Variants in TNXB observed in about 807,000 individuals in gnomAD.
TNXB encodes tenascin-X.
TNXB carries 183 observed loss-of-function variants against 340.5 expected under a neutral mutation model. The observed-to-expected ratio is 0.54, with a 90% confidence interval of 0.48 to 0.61. The LOEUF (loss-of-function observed/expected upper bound fraction) is 0.61, where lower values mean the gene tolerates loss of function less well. Among genes scored for constraint, TNXB ranks in the 20% least tolerant of loss-of-function variants. The pLI, the probability that TNXB is intolerant of heterozygous loss-of-function variation, is 0.00. For synonymous variants in TNXB, 2,121 were observed against 2,314.5 expected, an observed-to-expected ratio of 0.92 and a Z score of 2.40; for missense variants, 4,613 against 5,446.4, an observed-to-expected ratio of 0.85 and a Z score of 4.82.
rs747774925 is a variant in TNXB, at chr6:32,043,905, G to A, written c.11387-13C>T. ...CTCTGAGGCTCCCCTGAAAACATTG[G>A]GGATCGAGGGTTACCCAGGGAACCC... On this transcript the variant is annotated splice_polypyrimidine_tract_variant and intron_variant, in intron 34 of 43. Coordinates refer to ENST00000644971, the MANE Select transcript of TNXB (RefSeq NM_001365276.2). 13 of 1,613,432 alleles carry A rather than the reference G, an allele frequency of 8.1e-6. No individual in the cohort carries two copies. The highest frequency in any genetic ancestry group is 1.0e-5 in the Non-Finnish European group (12 of 1,179,984).
In TNXB at chr6:32,068,111, C is replaced by T. The variant is rs996112326; in HGVS notation, c.6221-127G>A. On this transcript the variant is annotated intron_variant, in intron 17 of 43. Transcript: ENST00000644971. This position sits in a 1 kb window ranked among gnomAD's most constrained non-coding sequence, Gnocchi z 5.3. ...AGGCCTACTCTTGGGGCTGGGTGGT[C>T]CTGCTCAGCTGACAGCTAACACACA... 2.2e-6 allele frequency: 3 copies of T among 1,351,854 alleles called. No individual in the cohort carries two copies. The highest frequency in any genetic ancestry group is 3.0e-6 in the Non-Finnish European group (3 of 1,008,990). The allele number at this position is 1,351,854 out of a possible 1,614,324, so 83.7% of individuals were successfully genotyped here. A position where few individuals can be genotyped will look rare whatever the true frequency, so the allele number is the denominator to read the frequency against.
At position 32,068,038 on chromosome 6, in the gene TNXB, G is replaced by A; in HGVS notation, c.6221-54C>T. The A allele has an allele frequency of 6.3e-7, 1 of 1,580,810 alleles. No individual in the cohort carries two copies. The highest frequency in any genetic ancestry group is 1.2e-5 in the South Asian group (1 of 86,496). ...GATGTCCTTGGGTACTGGGGAAAAG[G>A]AGGGAGAAGCCAAGGCTATGACTGG... On this transcript the variant is annotated intron_variant, in intron 17 of 43. Transcript: ENST00000644971. The surrounding 1 kb of genome is among the most constrained non-coding windows in gnomAD (Gnocchi z 5.3).
chr6:32,049,875 C>T lies in TNXB; in HGVS notation c.9439+123G>A, dbSNP rs1777158200. On this transcript the variant is annotated intron_variant, in intron 27 of 43. Coordinates refer to ENST00000644971, the MANE Select transcript of TNXB (RefSeq NM_001365276.2). The surrounding 1 kb of genome is among the most constrained non-coding windows in gnomAD (Gnocchi z 4.5). ...AGGAAGGCCCAAGGGGAGTCCCAGCCCCAGCCACAAGCAGTTCTGTGGTGC... is the reference window on the plus strand; with the variant it reads ...AGGAAGGCCCAAGGGGAGTCCCAGCTCCAGCCACAAGCAGTTCTGTGGTGC... The T allele has an allele frequency of 1.4e-6, 2 of 1,478,756 alleles. No individual in the cohort carries two copies. Among genetic ancestry groups the T allele is most frequent in the Non-Finnish European group, 1.8e-6 (2 of 1,085,992 alleles). The allele number at this position is 1,478,756 out of a possible 1,614,324, so 91.6% of individuals were successfully genotyped here.
rs745922428 is a variant in TNXB, at chr6:32,086,064, G to A, written c.2834C>T (p.Pro945Leu). The change falls in exon 7 of 44, where the codon CCC becomes CTC. Residue 945 changes from proline (P) to leucine (L), a missense_variant. Around this residue, in one of 7 missense-constraint regions of TNXB, gnomAD observed 4,327 missense variants for 4,859.4 expected, o/e 0.89. Transcript: ENST00000644971. ...GTTDEPPPSGPSTTQGAQAPL... is the reference protein window; with the variant it reads ...GTTDEPPPSGLSTTQGAQAPL... Reference sequence around the variant, plus strand: ...AGCCTGGGCCCCTTGCGTCGTCGAGGGGCCTGAGGGAGGAGGCTCATCGGT... The same window carrying A: ...AGCCTGGGCCCCTTGCGTCGTCGAGAGGCCTGAGGGAGGAGGCTCATCGGT... 7.6e-6 allele frequency: 12 copies of A among 1,587,772 alleles called. No homozygotes were observed. In the South Asian group the frequency reaches 1.4e-4, roughly 18 times the overall value.
chr6:32,055,165 G>A (rs1777551232), intron 24 of TNXB, among the ~76,000 whole-genome samples: 1 of 152,154 alleles, frequency 6.6e-6, no homozygotes. Flanking sequence ...CTAATAAAGA[G>A]CAAAACCTTG....
At position 32,056,033 on chromosome 6, in the gene TNXB, T is replaced by C. The variant is rs376978176; in HGVS notation, c.8285A>G (p.His2762Arg). ...LSLSWTIPQG[H>R]FDSFTVQYKD... Reference sequence around the variant, plus strand: ...GTACTGCACGGTGAAGGAGTCGAAGTGGCCCTGGGGGATGGTCCAGGAGAG... The same window carrying C: ...GTACTGCACGGTGAAGGAGTCGAAGCGGCCCTGGGGGATGGTCCAGGAGAG... Residue 2762 changes from histidine to arginine, a missense_variant, in exon 24 of 44, where the codon CAC becomes CGC. Around this residue, in one of 7 missense-constraint regions of TNXB, gnomAD observed 4,327 missense variants for 4,859.4 expected, o/e 0.89. Transcript: ENST00000644971. The C allele has an allele frequency of 2.1e-4, 344 of 1,613,056 alleles. No homozygotes were observed. The highest frequency in any genetic ancestry group is 1.8e-3 in the African/African-American group (136 of 75,030).
intron 35 of TNXB, 38 bp downstream of exon 35, chr6:32,043,711 G>A: frequency 1.2e-6 from 2 of 1,613,394 alleles, no homozygotes; most frequent in Non-Finnish European, 1.7e-6. Flanking sequence ...CCGTTTTCTT[G>A]GCTCCCACCT....
In TNXB at chr6:32,099,661, G is replaced by C. The variant is rs556876067; in HGVS notation, c.-8-1455C>G. On this transcript the variant is annotated intron_variant, in intron 1 of 43. Transcript: ENST00000644971. ...TTAAAAGCATGAGCCACCATGCTTGGCTTCTCTCTCTTTTTTATTCAACTC... is the reference window on the plus strand; with the variant it reads ...TTAAAAGCATGAGCCACCATGCTTGCCTTCTCTCTCTTTTTTATTCAACTC... 2.1e-3 allele frequency among the ~76,000 whole-genome samples: 320 copies of C among 151,714 alleles called. 2 individuals carry two copies. The highest frequency in any genetic ancestry group is 7.4e-3 in the African/African-American group (305 of 41,324).
At position 32,052,567 on chromosome 6, in the gene TNXB, AAAGG is replaced by A; in HGVS notation, c.9115+99_9115+102del. On this transcript the variant is annotated intron_variant, in intron 26 of 43. Coordinates refer to ENST00000644971, the MANE Select transcript of TNXB (RefSeq NM_001365276.2). This position sits in a 1 kb window ranked among gnomAD's most constrained non-coding sequence, Gnocchi z 4.7. Reference sequence around the variant, plus strand: ...AAAATCTCCAGGCATTTGGATACACAAAGGAAGGAATACTCTTCAGAGTATGTTT... The same window carrying A: ...AAAATCTCCAGGCATTTGGATACACAAAGGAATACTCTTCAGAGTATGTTT... 6.8e-7 allele frequency: 1 copy of A among 1,465,594 alleles called. No individual in the cohort carries two copies. Among genetic ancestry groups the A allele is most frequent in the Non-Finnish European group, 9.2e-7 (1 of 1,091,160 alleles). 90.8% of individuals were successfully genotyped at this position (1,465,594 alleles called of 1,614,324 possible).
chr6:32,098,438 T>C (rs1411644712), intron 1 of TNXB, among the ~76,000 whole-genome samples: 3 of 152,032 alleles, frequency 2.0e-5, no homozygotes, highest in Non-Finnish European at 2.9e-5. Flanking sequence ...TTTTCTATTG[T>C]GTTCCCCTAC....
At chr6:32,086,928 GA>G (rs1779811056) in intron 6 of TNXB, among the ~76,000 whole-genome samples, 1 of 152,204 alleles carries the variant, frequency 6.6e-6, no homozygotes, top group South Asian at 2.1e-4. Context: ...CTGCTCCAGT[GA>G]ATCTTTGCAG....
rs112600309 is a variant in TNXB, at chr6:32,052,629, A to G, written c.9115+41T>C. 11,316 of 1,598,334 alleles carry G rather than the reference A, an allele frequency of 7.1e-3. 59 individuals carry two copies. Among genetic ancestry groups the G allele is most frequent in the Non-Finnish European group, 8.6e-3 (10,047 of 1,168,016 alleles). On this transcript the variant is annotated intron_variant, in intron 26 of 43. Coordinates refer to ENST00000644971, the MANE Select transcript of TNXB (RefSeq NM_001365276.2). The surrounding 1 kb of genome is among the most constrained non-coding windows in gnomAD (Gnocchi z 4.7). ...GACTGGAGAGACAGCAGTGTCTTCC[A>G]GGGCCATCTTCCCCACCTCGCCTCA...
chr6:32,092,780 A>G lies in TNXB; in HGVS notation c.2358+2296T>C, dbSNP rs60415038. 1.4e-3 allele frequency among the ~76,000 whole-genome samples: 217 copies of G among 152,314 alleles called. 4 individuals are homozygous for G. In the East Asian group the frequency reaches 0.041, roughly 29 times the overall value. Reference sequence around the variant, plus strand: ...ACGATGCCAGGGACCAGCTACAGACAGCAGAAAGCATGGTCTGAGGGTGGG... The same window carrying G: ...ACGATGCCAGGGACCAGCTACAGACGGCAGAAAGCATGGTCTGAGGGTGGG... On this transcript the variant is annotated intron_variant, in intron 4 of 43. Coordinates refer to ENST00000644971, the MANE Select transcript of TNXB (RefSeq NM_001365276.2).
chr6:32,059,027 T>C (rs1003472009), intron 21 of TNXB, among the ~76,000 whole-genome samples: 1 of 151,846 alleles, frequency 6.6e-6, no homozygotes, highest in African/African-American at 2.4e-5. Context: ...TGCCGGCAGC[T>C]GGGGGAGAAA....
At position 32,061,498 on chromosome 6, in the gene TNXB, A is replaced by C; in HGVS notation, c.7391T>G (p.Val2464Gly). The change falls in exon 21 of 44, where the codon GTC (valine) becomes GGC (glycine). Residue 2464 changes from valine to glycine, a missense_variant. Coordinates refer to ENST00000644971, the MANE Select transcript of TNXB (RefSeq NM_001365276.2). The surrounding 1 kb of genome is among the most constrained non-coding windows in gnomAD (Gnocchi z 4.4). ...VVRVGGEESE[V>G]TVGGLEPGRK... ...CCCAGGCTCCAGGCCCCCCACGGTG[A>C]CCTCGCTCTCCTCGCCCCCAACACG... 1.9e-6 allele frequency: 3 copies of C among 1,613,494 alleles called. No homozygotes were observed. Among genetic ancestry groups the C allele is most frequent in the Non-Finnish European group, 2.5e-6 (3 of 1,179,848 alleles).
chr6:32,097,018 T>G lies in TNXB; in HGVS notation c.835A>C (p.Ser279Arg). ...GYTGDDCGMR[S>R]CPRGCSQRGR... ...CTCTGACTGCAACCGCGAGGGCAGC[T>G]CCTCATGCCACAGTCGTCACCAGTG... The change falls in exon 3 of 44, where the codon AGC becomes CGC. Residue 279 changes from serine to arginine, a missense_variant. Coordinates refer to ENST00000644971, the MANE Select transcript of TNXB (RefSeq NM_001365276.2). This position sits in a 1 kb window ranked among gnomAD's most constrained non-coding sequence, Gnocchi z 5.9. 6.2e-7 allele frequency: 1 copy of G among 1,608,624 alleles called. No homozygotes were observed. Among genetic ancestry groups the G allele is most frequent in the Non-Finnish European group, 8.5e-7 (1 of 1,178,612 alleles).
In TNXB at chr6:32,068,006, T is replaced by A; in HGVS notation, c.6221-22A>T. The A allele has an allele frequency of 6.2e-7, 1 of 1,600,762 alleles. No homozygotes were observed. Among genetic ancestry groups the A allele is most frequent in the Non-Finnish European group, 8.5e-7 (1 of 1,172,788 alleles). ...GCAGCTGAGAAGGAGGAAGAGAGAGTGAGGGGGATGTCCTTGGGTACTGGG... is the reference window on the plus strand; with the variant it reads ...GCAGCTGAGAAGGAGGAAGAGAGAGAGAGGGGGATGTCCTTGGGTACTGGG... On this transcript the variant is annotated intron_variant, in intron 17 of 43. Transcript: ENST00000644971. This position sits in a 1 kb window ranked among gnomAD's most constrained non-coding sequence, Gnocchi z 5.3.
chr6:32,057,020 C>T lies in TNXB; in HGVS notation c.7826-117G>A, dbSNP rs138472082. On this transcript the variant is annotated intron_variant, in intron 22 of 43. Transcript: ENST00000644971. ...AGAGCAGGACGATGCTGCCCACAGCCCCTCCAGCACAGCTCTTCATCCTCT... is the reference window on the plus strand; with the variant it reads ...AGAGCAGGACGATGCTGCCCACAGCTCCTCCAGCACAGCTCTTCATCCTCT... The T allele has an allele frequency of 3.1e-6, 4 of 1,294,716 alleles. No individual in the cohort carries two copies. The East Asian group carries it at 7.2e-5, about 23-fold the overall frequency. 80.2% of individuals were successfully genotyped at this position (1,294,716 alleles called of 1,614,324 possible).
Position 32,087,329 on chromosome 6 carries a change from C to G in TNXB, c.2780-1211G>C, listed in dbSNP as rs1288578691. ...TGGACCTCCACGTGGTAGGTGGTGC[C>G]GGGCCTGAGGTCGGGCAGGCTGACG... On this transcript the variant is annotated intron_variant, in intron 6 of 43. Coordinates refer to ENST00000644971, the MANE Select transcript of TNXB (RefSeq NM_001365276.2). The surrounding 1 kb of genome is among the most constrained non-coding windows in gnomAD (Gnocchi z 9.0). 1 of 488,210 alleles carries G rather than the reference C, an allele frequency of 2.0e-6. No homozygotes were observed. Among genetic ancestry groups the G allele is most frequent in the African/African-American group, 1.9e-5 (1 of 51,350 alleles). 30.2% of individuals were successfully genotyped at this position (488,210 alleles called of 1,614,324 possible).
Sources: gnomAD v4.1 joint callset for allele counts (sites outside exome capture counted in the v4.1 genomes callset) on GRCh38, gnomAD v4.1.1 for gene constraint, gnomAD v4.1.1 regional missense constraint, Gnocchi (gnomAD v3.1) non-coding constraint, MANE v1.5 for transcripts, NCBI Gene and HGNC (gene_info 2026-07-23, HGNC 2026-07-21) for gene names.